Variants in GABRA3 observed in about 807,000 individuals in gnomAD.
The protein encoded by GABRA3 is gamma-aminobutyric acid type A receptor subunit alpha3.
GABRA3 carries 10 observed loss-of-function variants against 30.1 expected under a neutral mutation model. The observed-to-expected ratio is 0.33, with a 90% CI of 0.20 to 0.56. The LOEUF is 0.56. Ranked by LOEUF, GABRA3 falls within the 20% of genes least tolerant of loss-of-function variation. GABRA3 has a pLI of 0.89. For synonymous variants in GABRA3, 151 were observed against 146.8 expected (o/e 1.03, Z -0.21); for missense variants, 233 against 392.0 (o/e 0.59, Z 3.42).
At chrX:152,310,237 A>C (rs1189325660) in intron 3 of GABRA3, among the ~76,000 whole-genome samples, 2 of 112,227 alleles carry the variant, frequency 1.8e-5, no homozygotes, top group African/African-American at 6.5e-5. Context: ...AAGGCAGAAA[A>C]CTAACAAAGA....
intron 5 of GABRA3, among the ~76,000 whole-genome samples, chrX:152,241,576 G>T: frequency 9.1e-6 from 1 of 109,373 alleles, no homozygotes; most frequent in East Asian, 2.9e-4. Context: ...AAGCAAGCCT[G>T]GGCAATGGCG....
intron 1 of GABRA3, among the ~76,000 whole-genome samples, chrX:152,370,946 C>A (rs1646601387): frequency 9.0e-6 from 1 of 110,777 alleles, no homozygotes; most frequent in African/African-American, 3.3e-5. Context: ...TCCTTTCTTA[C>A]CCTGCTTGGA....
intron 1 of GABRA3, among the ~76,000 whole-genome samples, chrX:152,377,959 G>A (rs1341382337): frequency 8.9e-6 from 1 of 111,791 alleles, no homozygotes; most frequent in Admixed American, 9.5e-5. Flanking sequence ...CAGACAAAAC[G>A]ATCCCCCTGC....
chrX:152,315,618 C>T (rs1939861787), intron 3 of GABRA3, among the ~76,000 whole-genome samples: 1 of 111,217 alleles, frequency 9.0e-6, no homozygotes, highest in Non-Finnish European at 1.9e-5. Context: ...CTCAGCCTTG[C>T]TCACCCACTG....
intron 1 of GABRA3, among the ~76,000 whole-genome samples, chrX:152,449,870 C>A (rs900066193): frequency 7.1e-5 from 8 of 111,963 alleles, no homozygotes; most frequent in South Asian, 3.7e-4. Context: ...TGTGAGTAAA[C>A]CAAAGATAAT....
chrX:152,176,181 T>C (rs1362011004), intron 9 of GABRA3, among the ~76,000 whole-genome samples: 1 of 110,919 alleles, frequency 9.0e-6, no homozygotes, highest in Admixed American at 9.6e-5. Flanking sequence ...TGGTAAGAGG[T>C]ACCATCACAG....
intron 5 of GABRA3, among the ~76,000 whole-genome samples, chrX:152,237,487 T>C (rs1160860154): frequency 9.9e-6 from 1 of 100,592 alleles, no homozygotes; most frequent in Non-Finnish European, 2.0e-5. Context: ...GGGCTCTTTT[T>C]TGGTTCCATA....
At chrX:152,181,033 T>A (rs1316908593) in intron 9 of GABRA3, among the ~76,000 whole-genome samples, 2 of 111,753 alleles carry the variant, frequency 1.8e-5, no homozygotes, top group African/African-American at 6.5e-5. Flanking sequence ...ATTTTGTGGT[T>A]CCATGTAAGT....
intron 8 of GABRA3, among the ~76,000 whole-genome samples, chrX:152,196,408 G>GAAAAA (rs201138176): frequency 3.1e-5 from 2 of 64,048 alleles, no homozygotes; most frequent in Admixed American, 1.9e-4. Context: ...CAAAAAAAAA[G>GAAAAA]AAAAAAAAAA....
In GABRA3 at chrX:152,189,762, C is replaced by A. The variant is rs1399560952; in HGVS notation, c.1111G>T (p.Gly371Cys). The change falls in exon 9 of 10, where the codon GGC becomes TGC. Residue 371 changes from glycine to cysteine, a missense_variant. By Grantham distance (159) the Gly-to-Cys change is radical. Around this residue, in one of 6 missense-constraint regions of GABRA3, gnomAD observed 20 missense variants for 84.3 expected, o/e 0.24. Coordinates refer to ENST00000370314, the MANE Select transcript of GABRA3 (RefSeq NM_000808.4). ...YFTKRSWAWE[G>C]KKVPEALEMK... ...TCCAGGGCCTCTGGCACCTTCTTGC[C>A]TTCCCAAGCCCAACTCCGCTTGGTG... 2 of 1,209,913 alleles carry A rather than the reference C, an allele frequency of 1.7e-6. No homozygotes were observed. Among genetic ancestry groups the A allele is most frequent in the Non-Finnish European group, 2.2e-6 (2 of 894,585 alleles).
intron 1 of GABRA3, among the ~76,000 whole-genome samples, chrX:152,423,992 AT>A (rs1417942163): frequency 8.9e-6 from 1 of 111,835 alleles, no homozygotes; most frequent in Non-Finnish European, 1.9e-5. Context: ...TAATATATTA[AT>A]TTGAAAGTTA....
rs1434837458 is a variant in GABRA3 at position 152,440,453 on chromosome X, CAG to C, written c.-27+10691_-27+10692del. 2.7e-5 allele frequency among the ~76,000 whole-genome samples: 3 copies of C among 112,280 alleles called. No homozygotes were observed. The East Asian group carries it at 8.4e-4, about 31-fold the overall frequency. On this transcript the variant is annotated intron_variant, in intron 1 of 9. Coordinates refer to ENST00000370314, the MANE Select transcript of GABRA3 (RefSeq NM_000808.4). ...AAATTACTTCAACCATTGTGGAAGA[CAG>C]TGTGGCAATTCCTCAATGATCTCGA...
chrX:152,191,385 G>A (rs1937323849), intron 8 of GABRA3, among the ~76,000 whole-genome samples: 1 of 109,763 alleles, frequency 9.1e-6, no homozygotes, highest in South Asian at 3.9e-4. Flanking sequence ...TTCTCTCTGT[G>A]CCTCCATTTT....
intron 3 of GABRA3, among the ~76,000 whole-genome samples, chrX:152,312,665 CA>C (rs1484187335): frequency 9.0e-6 from 1 of 111,577 alleles, no homozygotes; most frequent in Non-Finnish European, 1.9e-5. Flanking sequence ...AGCTTCTGCA[CA>C]GCAAAAGAAT....
At chrX:152,223,767 C>T (rs1274368767) in intron 6 of GABRA3, among the ~76,000 whole-genome samples, 3 of 110,291 alleles carry the variant, frequency 2.7e-5, no homozygotes, top group African/African-American at 3.3e-5. Flanking sequence ...AGTGGTAACA[C>T]AAATCCTCCA....
chrX:152,323,961 T>C (rs899211156), intron 3 of GABRA3, among the ~76,000 whole-genome samples: 1 of 112,494 alleles, frequency 8.9e-6, no homozygotes. Flanking sequence ...CTAATTTATA[T>C]GATTTTAAGA....
At chrX:152,372,334 A>G (rs951459586) in intron 1 of GABRA3, among the ~76,000 whole-genome samples, 2 of 111,278 alleles carry the variant, frequency 1.8e-5, no homozygotes, top group Non-Finnish European at 3.8e-5. Flanking sequence ...ACTCATACCA[A>G]TTCACACTTG....
intron 1 of GABRA3, among the ~76,000 whole-genome samples, chrX:152,385,284 T>C (rs1929269796): frequency 8.9e-6 from 1 of 111,787 alleles, no homozygotes; most frequent in Admixed American, 9.5e-5. Flanking sequence ...GAAACATATA[T>C]TGATGCACCA....
At chrX:152,356,888 C>A (rs1434605853) in intron 2 of GABRA3, among the ~76,000 whole-genome samples, 1 of 111,801 alleles carries the variant, frequency 8.9e-6, no homozygotes, top group East Asian at 2.8e-4. Context: ...ATAATAGCCT[C>A]CAGCTGCATC....
Sources: gnomAD v4.1 joint callset for allele counts (sites outside exome capture counted in the v4.1 genomes callset) on GRCh38, gnomAD v4.1.1 for gene constraint, gnomAD v4.1.1 regional missense constraint, MANE v1.5 for transcripts, NCBI Gene and HGNC (gene_info 2026-07-23, HGNC 2026-07-21) for gene names.